Variants in TANC1 observed in about 807,000 individuals in gnomAD.
The protein encoded by TANC1 is tetratricopeptide repeat, ankyrin repeat and coiled-coil containing 1, also known as protein TANC1.
A neutral mutation model predicts 149.7 loss-of-function variants in TANC1; 77 were observed. The ratio of observed to expected loss-of-function variants is 0.51; its 90% CI spans 0.43 to 0.62. TANC1 has a LOEUF of 0.62. Among genes scored for constraint, TANC1 ranks in the 20% least tolerant of loss-of-function variants. TANC1 has a pLI of 0.00. For missense variants in TANC1, 1,985 were observed against 2,321.8 expected (o/e 0.85, Z 2.98); for synonymous variants, 854 against 925.0 (o/e 0.92, Z 1.39).
intron 11 of TANC1, among the ~76,000 whole-genome samples, chr2:159,174,344 G>A (rs557032928): frequency 5.9e-5 from 9 of 152,116 alleles, no homozygotes; most frequent in Admixed American, 4.6e-4. Context: ...CTCTCCACAC[G>A]ATGGGCAGAG....
intron 3 of TANC1, among the ~76,000 whole-genome samples, chr2:159,091,626 C>T (rs977356818): frequency 1.3e-5 from 2 of 152,140 alleles, no homozygotes; most frequent in African/African-American, 2.4e-5. Context: ...AGAATAAAAC[C>T]ATGCGGACAG....
At chr2:158,976,859 C>T (rs1472431921) in intron 1 of TANC1, among the ~76,000 whole-genome samples, 4 of 152,084 alleles carry the variant, frequency 2.6e-5, no homozygotes, top group Admixed American at 6.6e-5. Flanking sequence ...CTAGCCTCGG[C>T]GGCAGAATGA....
At chr2:159,224,582 A>G (rs2059906019) in intron 23 of TANC1, 1 of 563,420 alleles carries the variant, frequency 1.8e-6, no homozygotes. Context: ...GCTGGTGTTG[A>G]AGGACAGTCT....
At chr2:159,220,429 T>G (rs2059631703) in intron 22 of TANC1, among the ~76,000 whole-genome samples, 1 of 151,714 alleles carries the variant, frequency 6.6e-6, no homozygotes, top group African/African-American at 2.4e-5. Flanking sequence ...TGCCTCAGCC[T>G]CCTGAGTAGC....
intron 4 of TANC1, among the ~76,000 whole-genome samples, chr2:159,125,093 A>G (rs1220054198): frequency 6.6e-6 from 1 of 152,144 alleles, no homozygotes; most frequent in Non-Finnish European, 1.5e-5. Context: ...AGTCAGAGGA[A>G]GTAAGAGCTA....
At chr2:159,025,178 CTTTTTCTTTCT>C (rs2039173902) in intron 2 of TANC1, among the ~76,000 whole-genome samples, 3 of 100,654 alleles carry the variant, frequency 3.0e-5, no homozygotes, top group Non-Finnish European at 6.9e-5. Flanking sequence ...TTCTTTCTTT[CTTTTTCTTTCT>C]TTTCTTTCTT....
At chr2:159,195,870 G>A (rs571358626) in intron 17 of TANC1, among the ~76,000 whole-genome samples, 4 of 152,330 alleles carry the variant, frequency 2.6e-5, no homozygotes, top group East Asian at 1.9e-4. Flanking sequence ...GGTACAGGGC[G>A]TCCCCAGAGT....
At chr2:159,058,676 A>G (rs887554354) in intron 2 of TANC1, among the ~76,000 whole-genome samples, 1 of 152,220 alleles carries the variant, frequency 6.6e-6, no homozygotes, top group African/African-American at 2.4e-5. Context: ...ATCCCTTTAC[A>G]GGTATATGAA....
intron 19 of TANC1, among the ~76,000 whole-genome samples, chr2:159,201,012 T>C (rs1359645526): frequency 6.6e-6 from 1 of 151,792 alleles, no homozygotes; most frequent in African/African-American, 2.4e-5. Flanking sequence ...ACTTGAGACG[T>C]TTGTTAAAAT....
At chr2:158,973,943 C>T (rs971686070) in intron 1 of TANC1, among the ~76,000 whole-genome samples, 3 of 152,090 alleles carry the variant, frequency 2.0e-5, no homozygotes, top group African/African-American at 7.2e-5. Flanking sequence ...CATTACACTC[C>T]CCTCTCTCTG....
At chr2:159,118,354 G>A (rs566038713) in intron 4 of TANC1, among the ~76,000 whole-genome samples, 4 of 152,210 alleles carry the variant, frequency 2.6e-5, no homozygotes, top group Non-Finnish European at 5.9e-5. Context: ...CACCATGAGA[G>A]TGGAGGATCT....
At chr2:158,992,961 C>T (rs956331791) in intron 1 of TANC1, among the ~76,000 whole-genome samples, 6 of 147,152 alleles carry the variant, frequency 4.1e-5, no homozygotes, top group South Asian at 2.1e-4. Flanking sequence ...CCATCACAGC[C>T]GCGTTAGTTT....
In TANC1 at chr2:159,174,782, G is replaced by A. The variant is rs185671082; in HGVS notation, c.1504-171G>A. 4.3e-4 allele frequency among the ~76,000 whole-genome samples: 65 copies of A among 152,360 alleles called. 1 individual carries two copies. The East Asian group carries it at 0.011, about 26-fold the overall frequency. ...AGTTAAAGGTCTGCAAACCACATAAGTGAAGGAAGGAATAAATGGAACAAT... is the reference window on the plus strand; with the variant it reads ...AGTTAAAGGTCTGCAAACCACATAAATGAAGGAAGGAATAAATGGAACAAT... On this transcript the variant is annotated intron_variant, in intron 11 of 26. Transcript: ENST00000263635.
intron 4 of TANC1, among the ~76,000 whole-genome samples, chr2:159,124,695 G>A (rs2049210219): frequency 6.6e-6 from 1 of 151,874 alleles, no homozygotes; most frequent in Non-Finnish European, 1.5e-5. Context: ...TCAATTGTTT[G>A]TAGCTATTTT....
intron 4 of TANC1, among the ~76,000 whole-genome samples, chr2:159,131,398 C>T (rs2050075452): frequency 6.6e-6 from 1 of 152,062 alleles, no homozygotes; most frequent in Non-Finnish European, 1.5e-5. Context: ...TCTCACTTTT[C>T]CTTCAGTAGT....
intron 16 of TANC1, among the ~76,000 whole-genome samples, chr2:159,187,278 A>G (rs1181206846): frequency 1.3e-5 from 2 of 152,232 alleles, no homozygotes; most frequent in Non-Finnish European, 2.9e-5. Context: ...TTCACAGCAG[A>G]TGTGATAAGG....
At chr2:159,125,853 G>T (rs1299189918) in intron 4 of TANC1, among the ~76,000 whole-genome samples, 1 of 152,178 alleles carries the variant, frequency 6.6e-6, no homozygotes, top group Admixed American at 6.5e-5. Flanking sequence ...CTCCCAAAGT[G>T]CTGGGATTAC....
intron 2 of TANC1, among the ~76,000 whole-genome samples, chr2:159,052,820 A>AT (rs2149599950): frequency 6.6e-6 from 1 of 152,368 alleles, no homozygotes; most frequent in Admixed American, 6.5e-5. Flanking sequence ...TTTAAAATAC[A>AT]TTTATGCCCA....
intron 1 of TANC1, among the ~76,000 whole-genome samples, chr2:158,997,945 C>G (rs2036281147): frequency 6.6e-6 from 1 of 152,122 alleles, no homozygotes; most frequent in Non-Finnish European, 1.5e-5. Context: ...GTGGAGAAAC[C>G]TGCCAGCACT....
Sources: allele counts gnomAD v4.1 joint callset (sites outside exome capture counted in the v4.1 genomes callset), GRCh38; gene constraint gnomAD v4.1.1; transcripts MANE v1.5; gene names NCBI Gene and HGNC (gene_info 2026-07-23, HGNC 2026-07-21).